CLVS1: variants seen among roughly 807,000 people sequenced by gnomAD.
CLVS1 encodes clavesin 1.
In CLVS1, 10 loss-of-function variants were observed where a neutral mutation model predicts 33.1. The observed-to-expected ratio is 0.30, with a 90% CI of 0.19 to 0.51. The LOEUF (loss-of-function observed/expected upper bound fraction) is 0.51, where lower values mean the gene tolerates loss of function less well. Among genes scored for constraint, CLVS1 ranks in the 20% least tolerant of loss-of-function variants. The pLI is 0.97. For missense variants in CLVS1, 343 were observed against 433.4 expected (o/e 0.79, Z 1.85); for synonymous variants, 163 against 166.1 (o/e 0.98, Z 0.14).
At chr8:61,002,327 G>GT in the CLVS1 span, among the ~76,000 whole-genome samples, 15,049 of 98,750 alleles carry the variant, frequency 0.15, 1,456 homozygotes, top group African/African-American at 0.19. Flanking sequence ...ATGCTTGCTT[G>GT]TTTTTTTTTT....
At position 61,359,354 on chromosome 8, in the gene CLVS1, CT is replaced by C. The variant is rs111320505; in HGVS notation, c.456-17240del. Among the ~76,000 whole-genome samples, 920 of 147,784 alleles carry C rather than the reference CT, an allele frequency of 6.2e-3. 5 individuals carry two copies. The highest frequency in any genetic ancestry group is 0.013 in the African/African-American group (541 of 40,312). On this transcript the variant is annotated intron_variant, in intron 2 of 5. Coordinates refer to ENST00000325897, the MANE Select transcript of CLVS1 (RefSeq NM_173519.3). Reference sequence around the variant, plus strand: ...CTCTGTTTAATGATGCTAGAAAAGACTTTTTTTTTTTCTTTTTTTGAGACAG... The same window carrying C: ...CTCTGTTTAATGATGCTAGAAAAGACTTTTTTTTTTCTTTTTTTGAGACAG...
At chr8:61,405,928 C>T (rs563552187) in intron 3 of CLVS1, among the ~76,000 whole-genome samples, 1 of 152,270 alleles carries the variant, frequency 6.6e-6, no homozygotes, top group East Asian at 1.9e-4. Flanking sequence ...TTAAGAATGA[C>T]TGCTATATAG....
At chr8:61,250,406 T>G (rs569336929) in intron 2 of CLVS1, among the ~76,000 whole-genome samples, 1 of 152,316 alleles carries the variant, frequency 6.6e-6, no homozygotes, top group East Asian at 1.9e-4. Flanking sequence ...TGTGGGCTCT[T>G]TTTTGGTTCC....
intron 3 of CLVS1, among the ~76,000 whole-genome samples, chr8:61,418,032 T>C (rs1815509430): frequency 6.6e-6 from 1 of 152,238 alleles, no homozygotes; most frequent in Non-Finnish European, 1.5e-5. Context: ...AGGATACAGC[T>C]GCCAGGGGCA....
the CLVS1 span, among the ~76,000 whole-genome samples, chr8:61,003,974 G>C: frequency 4.0e-4 from 61 of 152,298 alleles, no homozygotes; most frequent in Middle Eastern, 3.4e-3. Context: ...TATCATTTGA[G>C]CCTCATTTGA....
chr8:61,252,123 T>G (rs534849629), intron 2 of CLVS1, among the ~76,000 whole-genome samples: 1 of 152,228 alleles, frequency 6.6e-6, no homozygotes, highest in Non-Finnish European at 1.5e-5. Context: ...TGTGTCTTCA[T>G]TCTCATCAGT....
intron 2 of CLVS1, among the ~76,000 whole-genome samples, chr8:61,251,265 C>T (rs935195632): frequency 6.6e-6 from 1 of 152,140 alleles, no homozygotes; most frequent in African/African-American, 2.4e-5. Flanking sequence ...GGTATGAAGC[C>T]AACTTCATCA....
At chr8:61,197,498 TTTGTTG>T (rs556563745) in intron 2 of CLVS1, among the ~76,000 whole-genome samples, 1 of 151,828 alleles carries the variant, frequency 6.6e-6, no homozygotes, top group Non-Finnish European at 1.5e-5. Context: ...ATTCCTCCAG[TTTGTTG>T]TTGTTGTTGT....
intron 2 of CLVS1, among the ~76,000 whole-genome samples, chr8:61,136,822 G>A (rs563271199): frequency 2.6e-5 from 4 of 152,322 alleles, no homozygotes; most frequent in Middle Eastern, 3.4e-3. Context: ...CTATGCACAT[G>A]TAGCCCGGAA....
chr8:61,489,568 G>C (rs1366892070), intron 5 of CLVS1, among the ~76,000 whole-genome samples: 1 of 152,194 alleles, frequency 6.6e-6, no homozygotes, highest in Non-Finnish European at 1.5e-5. Context: ...GACAGATGAA[G>C]ATTGTCGTGA....
At chr8:61,207,584 G>T (rs1807881811) in intron 2 of CLVS1, among the ~76,000 whole-genome samples, 1 of 152,202 alleles carries the variant, frequency 6.6e-6, no homozygotes, top group Non-Finnish European at 1.5e-5. Flanking sequence ...ATTGTCTGCA[G>T]ATAGAGCTCA....
At chr8:61,112,979 A>G (rs1563407407) in intron 1 of CLVS1, among the ~76,000 whole-genome samples, 6 of 152,260 alleles carry the variant, frequency 3.9e-5, no homozygotes, top group South Asian at 4.1e-4. Context: ...ATTTGGGAGG[A>G]TATCTCCTCC....
At chr8:61,141,528 T>C (rs1315902396) in intron 2 of CLVS1, among the ~76,000 whole-genome samples, 1 of 152,182 alleles carries the variant, frequency 6.6e-6, no homozygotes, top group Non-Finnish European at 1.5e-5. Context: ...ACAATGAACA[T>C]TAATTCTCTC....
intron 2 of CLVS1, among the ~76,000 whole-genome samples, chr8:61,372,009 C>A (rs998268370): frequency 1.3e-5 from 2 of 152,188 alleles, no homozygotes; most frequent in Admixed American, 1.3e-4. Flanking sequence ...TACATTATCA[C>A]ATTTGAACTT....
intron 2 of CLVS1, among the ~76,000 whole-genome samples, chr8:61,259,387 A>G (rs2129592111): frequency 6.6e-6 from 1 of 152,346 alleles, no homozygotes. Flanking sequence ...TGACCTTGAC[A>G]TATCAGTAGA....
At chr8:61,364,075 TAGA>T (rs1448496987) in intron 2 of CLVS1, among the ~76,000 whole-genome samples, 4 of 152,226 alleles carry the variant, frequency 2.6e-5, no homozygotes, top group Non-Finnish European at 4.4e-5. Context: ...TACTCACTTC[TAGA>T]AGAAGTGTTG....
In CLVS1 at chr8:61,367,467, T is replaced by G. The variant is rs185733187; in HGVS notation, c.456-9138T>G. Among the ~76,000 whole-genome samples, 6 of 152,342 alleles carry G rather than the reference T, an allele frequency of 3.9e-5. No homozygotes were observed. In the East Asian group the frequency reaches 9.6e-4, roughly 24 times the overall value. On this transcript the variant is annotated intron_variant, in intron 2 of 5. Transcript: ENST00000325897. ...AACCTCCCCATTTCTCATGACCCAG[T>G]GGAAGACTTTCCAAAACTCCCCAAT...
intron 2 of CLVS1, among the ~76,000 whole-genome samples, chr8:61,269,235 T>G (rs1176328160): frequency 1.3e-5 from 2 of 152,122 alleles, no homozygotes; most frequent in African/African-American, 2.4e-5. Flanking sequence ...TTTCCACATA[T>G]GGCTAGCCAG....
At chr8:61,187,838 C>A (rs1807374550) in intron 2 of CLVS1, among the ~76,000 whole-genome samples, 1 of 149,544 alleles carries the variant, frequency 6.7e-6, no homozygotes, top group Non-Finnish European at 1.5e-5. Context: ...TGTATACATA[C>A]ATGTACACAC....
Sources: allele counts gnomAD v4.1 joint callset (sites outside exome capture counted in the v4.1 genomes callset), GRCh38; gene constraint gnomAD v4.1.1; transcripts MANE v1.5; gene names NCBI Gene and HGNC (gene_info 2026-07-23, HGNC 2026-07-21).